Variants in ASPH observed in about 807,000 individuals in gnomAD.
The protein encoded by ASPH is aspartate beta-hydroxylase.
ASPH carries 100 observed loss-of-function variants against 118.4 expected under a neutral mutation model. The observed-to-expected ratio is 0.84, with a 90% CI of 0.72 to 1.00. The LOEUF (loss-of-function observed/expected upper bound fraction) is 1.00. ASPH is among the 50% of genes least tolerant of loss of function. The probability of loss-of-function intolerance (pLI) is 0.00; values close to 1 mark genes in which losing one functional copy is unlikely to be tolerated. For synonymous variants in ASPH, 315 were observed against 325.6 expected (o/e 0.97, Z 0.35); for missense variants, 920 against 919.5 (o/e 1.00, Z -0.01).
At chr8:61,544,193 C>G (rs982439192) in intron 21 of ASPH, among the ~76,000 whole-genome samples, 4 of 152,168 alleles carry the variant, frequency 2.6e-5, no homozygotes, top group African/African-American at 9.7e-5. Flanking sequence ...TTAAAATTAC[C>G]ACCCCACAAA....
chr8:61,635,140 G>A lies in ASPH; in HGVS notation c.890-1413C>T, dbSNP rs115717979. 3.5e-3 allele frequency among the ~76,000 whole-genome samples: 525 copies of A among 152,078 alleles called. 2 individuals are homozygous for A. The highest frequency in any genetic ancestry group is 0.02 in the Middle Eastern group (6 of 294). ...TGGTAAGATCACTCACAATCTCTAC[G>A]TGGCCAAATGCAACTGATAACTTCT... On this transcript the variant is annotated intron_variant, in intron 12 of 24. Coordinates refer to ENST00000379454, the MANE Select transcript of ASPH (RefSeq NM_004318.4).
chr8:61,597,640 G>T (rs1292951680), intron 14 of ASPH, among the ~76,000 whole-genome samples: 1 of 151,960 alleles, frequency 6.6e-6, no homozygotes, highest in East Asian at 1.9e-4. Context: ...AACAGCAAAA[G>T]AATCAAGTTA....
intron 3 of ASPH, chr8:61,676,074 G>T (rs778133987): frequency 1.3e-6 from 2 of 1,599,234 alleles, no homozygotes; most frequent in South Asian, 2.2e-5. Context: ...CTGAATCAAG[G>T]TTACTGGTTA....
intron 3 of ASPH, chr8:61,661,826 T>G (rs1197297970): frequency 2.0e-5 from 8 of 392,352 alleles, no homozygotes; most frequent in Non-Finnish European, 3.7e-5. Flanking sequence ...TAAGTAGTCC[T>G]CTGGATTAAT....
intron 8 of ASPH, among the ~76,000 whole-genome samples, 155 bp from the exon 9 acceptor site, chr8:61,643,588 C>T (rs1806348058): frequency 6.6e-6 from 1 of 152,214 alleles, no homozygotes. Flanking sequence ...TAACGTTCCA[C>T]AATTTGATGC....
At chr8:61,686,996 C>G (rs190669640) in intron 1 of ASPH, among the ~76,000 whole-genome samples, 64 of 151,946 alleles carry the variant, frequency 4.2e-4, no homozygotes, top group Middle Eastern at 3.4e-3. Context: ...CAAACAGATA[C>G]CCAAGATGAT....
At chr8:61,661,262 A>G (rs1816764649) in intron 3 of ASPH, 1 of 152,222 alleles carries the variant, frequency 6.6e-6, no homozygotes, top group Admixed American at 6.5e-5. Flanking sequence ...TAGGAAGCAC[A>G]GTTTCAGTGC....
At position 61,683,545 on chromosome 8, in the gene ASPH, C is replaced by T. The variant is rs183750714; in HGVS notation, c.253+494G>A. 469 of 152,688 alleles carry T rather than the reference C, an allele frequency of 3.1e-3. 3 individuals carry two copies. The highest frequency in any genetic ancestry group is 4.9e-3 in the Non-Finnish European group (336 of 68,344). 9.5% of individuals were successfully genotyped at this position (152,688 alleles called of 1,614,324 possible). Reference sequence around the variant, plus strand: ...ATATCTACAAACGCCTATCTCAGCACACCCATCCAGTACCTATATGTGTGC... The same window carrying T: ...ATATCTACAAACGCCTATCTCAGCATACCCATCCAGTACCTATATGTGTGC... On this transcript the variant is annotated intron_variant, in intron 2 of 24. Transcript: ENST00000379454.
intron 3 of ASPH, among the ~76,000 whole-genome samples, chr8:61,669,340 G>A (rs1003523805): frequency 6.6e-6 from 1 of 151,986 alleles, no homozygotes; most frequent in Non-Finnish European, 1.5e-5. Context: ...ATTTATTTTG[G>A]TTGAAATATC....
At chr8:61,707,524 A>G (rs1434978569) in intron 1 of ASPH, among the ~76,000 whole-genome samples, 1 of 152,212 alleles carries the variant, frequency 6.6e-6, no homozygotes, top group Non-Finnish European at 1.5e-5. Context: ...CTTGGGGGTT[A>G]AAAAATGGCA....
intron 1 of ASPH, chr8:61,689,907 T>C (rs1832127024): frequency 8.0e-7 from 1 of 1,253,376 alleles, no homozygotes. Context: ...ATGCTGCTAA[T>C]CACCACTTAG....
chr8:61,664,248 C>T (rs1261338940), intron 3 of ASPH: 1 of 967,486 alleles, frequency 1.0e-6, no homozygotes, highest in African/African-American at 1.8e-5. Context: ...GAAGAGATTA[C>T]ATTTGCAATT....
intron 24 of ASPH, among the ~76,000 whole-genome samples, chr8:61,515,258 C>T (rs1810460266): frequency 1.3e-5 from 2 of 152,158 alleles, no homozygotes; most frequent in African/African-American, 4.8e-5. Flanking sequence ...CCAACCTCCT[C>T]TCTGAATTCC....
intron 1 of ASPH, among the ~76,000 whole-genome samples, chr8:61,713,870 C>T (rs1466731372): frequency 6.6e-6 from 1 of 152,202 alleles, no homozygotes; most frequent in Non-Finnish European, 1.5e-5. Flanking sequence ...TAGGCAGGAA[C>T]TCACTTTCCC....
At chr8:61,696,055 C>T (rs1833859630) in intron 1 of ASPH, among the ~76,000 whole-genome samples, 1 of 152,256 alleles carries the variant, frequency 6.6e-6, no homozygotes, top group Middle Eastern at 3.4e-3. Context: ...GTCCCTTCAC[C>T]AAGTTTTCAC....
At chr8:61,623,669 C>T (rs1851726492) in intron 13 of ASPH, 2 of 152,114 alleles carry the variant, frequency 1.3e-5, no homozygotes, top group South Asian at 4.1e-4. Context: ...AATCCCACTG[C>T]TAGGTATATA....
intron 3 of ASPH, among the ~76,000 whole-genome samples, chr8:61,666,950 G>C (rs1819951092): frequency 6.6e-6 from 1 of 152,106 alleles, no homozygotes; most frequent in Admixed American, 6.5e-5. Context: ...TCTAGATCAA[G>C]AAGTAAAATA....
intron 14 of ASPH, 82 bp from the exon 15 acceptor site, chr8:61,584,111 A>C: frequency 1.2e-6 from 1 of 866,102 alleles, no homozygotes. Flanking sequence ...AAGTAGTGGG[A>C]AACCTGATGC....
chr8:61,625,304 G>C, intron 13 of ASPH: 2 of 985,854 alleles, frequency 2.0e-6, no homozygotes, highest in Non-Finnish European at 1.2e-6. Context: ...GGCTCTGTGA[G>C]CTTTTCACAC....
Sources: gnomAD v4.1 joint callset for allele counts (sites outside exome capture counted in the v4.1 genomes callset) on GRCh38, gnomAD v4.1.1 for gene constraint, MANE v1.5 for transcripts, NCBI Gene and HGNC (gene_info 2026-07-23, HGNC 2026-07-21) for gene names.